Variants in RGS12 observed in about 807,000 individuals in gnomAD.
RGS12 encodes the protein regulator of G-protein signaling 12.
RGS12 carries 66 observed loss-of-function variants against 120.1 expected under a neutral mutation model. The observed-to-expected ratio is 0.55, with a 90% CI of 0.45 to 0.67. RGS12 has a LOEUF of 0.67. RGS12 is among the 30% of genes least tolerant of loss of function. The pLI is 0.00. For missense variants in RGS12, 1,859 were observed against 1,957.7 expected, an observed-to-expected ratio of 0.95 and a Z score of 0.95; for synonymous variants, 827 against 804.7, an observed-to-expected ratio of 1.03 and a Z score of -0.47.
intron 1 of RGS12, among the ~76,000 whole-genome samples, chr4:3,296,668 A>G (rs78139120): frequency 3.9e-5 from 6 of 152,200 alleles, no homozygotes; most frequent in Non-Finnish European, 8.8e-5. Flanking sequence ...TGTCTTCGAA[A>G]TGACTTCACT....
At position 3,317,124 on chromosome 4, in the gene RGS12, G is replaced by A. The variant is rs1241086663; in HGVS notation, c.954G>A (p.Gln318=). The A allele has an allele frequency of 1.2e-6, 2 of 1,613,974 alleles. No homozygotes were observed. The highest frequency in any genetic ancestry group is 1.7e-5 in the Admixed American group (1 of 60,036). The change falls in exon 2 of 18, where the codon CAG becomes CAA. Residue 318 remains glutamine (Q), a synonymous_variant. Coordinates refer to ENST00000336727, the MANE Select transcript of RGS12 (RefSeq NM_001394154.1). ...DRRFFGLVTM[Q]TNDDGSLAQE... ...GATTTTTCGGGTTGGTTACCATGCA[G>A]ACGAATGACGACGGGAGCCTGGCCC...
intron 9 of RGS12, 136 bp from the exon 10 acceptor site, chr4:3,420,504 AGT>A (rs1722889399): frequency 2.7e-6 from 2 of 746,792 alleles, no homozygotes; most frequent in Admixed American, 5.0e-5. Flanking sequence ...GAGACGGCAA[AGT>A]GATGCCTGGT....
intron 1 of RGS12, among the ~76,000 whole-genome samples, chr4:3,302,986 C>A (rs1027900742): frequency 2.0e-5 from 3 of 152,176 alleles, no homozygotes; most frequent in Non-Finnish European, 4.4e-5. Flanking sequence ...CACTGGTTGC[C>A]TGTTCGTAGT....
chr4:3,380,019 G>C (rs559373549), intron 3 of RGS12, among the ~76,000 whole-genome samples: 1 of 152,192 alleles, frequency 6.6e-6, no homozygotes. Context: ...TCTGAGACAA[G>C]GCAAGTCCCT....
At chr4:3,355,690 G>A (rs1430133785) in intron 3 of RGS12, among the ~76,000 whole-genome samples, 1 of 150,420 alleles carries the variant, frequency 6.6e-6, no homozygotes, top group Non-Finnish European at 1.5e-5. Flanking sequence ...AGCTGCTTGT[G>A]GGGCTGAGGT....
At chr4:3,334,996 T>G (rs1004603084) in intron 2 of RGS12, among the ~76,000 whole-genome samples, 6 of 152,226 alleles carry the variant, frequency 3.9e-5, no homozygotes, top group African/African-American at 1.4e-4. Context: ...GGTTGGTTTA[T>G]TTCCTTAGTC....
At chr4:3,290,307 GC>G (rs1722981652), upstream of RGS12, among the ~76,000 whole-genome samples, 1 of 152,210 alleles carries the variant, frequency 6.6e-6, no homozygotes, top group South Asian at 2.1e-4. Flanking sequence ...ACACTGTTGA[GC>G]AAACATCTCC....
At position 3,433,191 on chromosome 4, in the gene RGS12, T is replaced by C. The variant is rs1421610923; in HGVS notation, c.4114+2236T>C. On this transcript the variant is annotated intron_variant, in intron 17 of 17. Coordinates refer to ENST00000336727, the MANE Select transcript of RGS12 (RefSeq NM_001394154.1). This position sits in a 1 kb window ranked among gnomAD's most constrained non-coding sequence, Gnocchi z 4.4. ...TTAGGAGCTTGGGGGTCATCCCGGG[T>C]CACGCTCTCCGACGTTGACAGTTGC... is the stretch of plus-strand genomic sequence containing the variant. Among the ~76,000 whole-genome samples the C allele has an allele frequency of 1.3e-5, 2 of 152,156 alleles. No homozygotes were observed. Among genetic ancestry groups the C allele is most frequent in the Non-Finnish European group, 2.9e-5 (2 of 68,018 alleles).
intron 3 of RGS12, among the ~76,000 whole-genome samples, chr4:3,348,658 G>A (rs946229737): frequency 6.6e-6 from 1 of 152,184 alleles, no homozygotes; most frequent in African/African-American, 2.4e-5. Flanking sequence ...CAGAAAAGCC[G>A]AATGTACAGA....
intron 4 of RGS12, among the ~76,000 whole-genome samples, chr4:3,403,606 C>A (rs1275620245): frequency 6.6e-6 from 1 of 152,238 alleles, no homozygotes; most frequent in Non-Finnish European, 1.5e-5. Context: ...TATTCCAGAT[C>A]CCTGTTTTCT....
intron 1 of RGS12, among the ~76,000 whole-genome samples, chr4:3,295,185 C>T (rs1007704227): frequency 2.0e-5 from 3 of 152,038 alleles, no homozygotes; most frequent in South Asian, 4.2e-4. Flanking sequence ...GTGACCCAGC[C>T]GGCCTGGCTG....
At chr4:3,422,295 G>T in intron 10 of RGS12, 81 bp from the exon 11 acceptor site, 3 of 1,427,938 alleles carry the variant, frequency 2.1e-6, no homozygotes, top group Non-Finnish European at 9.4e-7. Context: ...TGCGGCCTGG[G>T]CCAGCTGGGC....
chr4:3,390,360 G>A lies in RGS12; in HGVS notation c.2020+3923G>A, dbSNP rs553056407. Among the ~76,000 whole-genome samples the A allele has an allele frequency of 4.6e-5, 7 of 152,312 alleles. No individual in the cohort carries two copies. The highest frequency in any genetic ancestry group is 3.4e-3 in the Middle Eastern group (1 of 294). On this transcript the variant is annotated intron_variant, in intron 4 of 17. Transcript: ENST00000336727. This position sits in a 1 kb window ranked among gnomAD's most constrained non-coding sequence, Gnocchi z 4.6. ...GCAGGTCAGAGTTGTCCCGGCACCCGGCACAGCGGCTGGCACGAGAGCTGT... is the reference window on the plus strand; with the variant it reads ...GCAGGTCAGAGTTGTCCCGGCACCCAGCACAGCGGCTGGCACGAGAGCTGT...
intron 2 of RGS12, among the ~76,000 whole-genome samples, chr4:3,330,578 A>C (rs1272866051): frequency 6.6e-6 from 1 of 152,232 alleles, no homozygotes; most frequent in Non-Finnish European, 1.5e-5. Flanking sequence ...GAAGGCACTT[A>C]ATATTTTTTT....
At chr4:3,295,660 CAAAA>C (rs35692556) in intron 1 of RGS12, among the ~76,000 whole-genome samples, 1 of 58,148 alleles carries the variant, frequency 1.7e-5, no homozygotes, top group African/African-American at 6.5e-5. Flanking sequence ...AACTCTGTCT[CAAAA>C]AAAAAAAAAA....
rs577506272 is a variant in RGS12 at position 3,393,203 on chromosome 4, C to T, written c.2020+6766C>T. ...TTAAAAAATACAGAGGTTTGTAAAGCTACATTTGGGGACTCCTCTAAAAGC... is the reference window on the plus strand; with the variant it reads ...TTAAAAAATACAGAGGTTTGTAAAGTTACATTTGGGGACTCCTCTAAAAGC... On this transcript the variant is annotated intron_variant, in intron 4 of 17. Coordinates refer to ENST00000336727, the MANE Select transcript of RGS12 (RefSeq NM_001394154.1). Among the ~76,000 whole-genome samples the T allele has an allele frequency of 3.9e-5, 6 of 152,266 alleles. No individual in the cohort carries two copies. In the South Asian group the frequency reaches 1.2e-3, roughly 32 times the overall value.
chr4:3,395,964 C>T (rs1243778252), intron 4 of RGS12, among the ~76,000 whole-genome samples: 2 of 152,150 alleles, frequency 1.3e-5, no homozygotes, highest in African/African-American at 4.8e-5. Context: ...CCCATACCTT[C>T]CTGGGTACTT....
In RGS12 at chr4:3,317,717, G is replaced by C; in HGVS notation, c.1547G>C (p.Arg516Thr). Residue 516 changes from arginine (R) to threonine (T), a missense_variant, in exon 2 of 18, where the codon AGG becomes ACG. Physicochemically the swap from Arg to Thr is moderately conservative, Grantham distance 71. This residue lies in a region of RGS12 where 967 missense variants were observed against 994.2 expected (regional missense o/e 0.97). Transcript: ENST00000336727. The stretch of plus-strand genomic sequence containing the variant: ...GTGGAGGTGCCCCCAGCTTCCTTGA[G>C]GAGCTCAGTCCCCCCTTCCAAGAGG... ...SPVEVPPASL[R>T]SSVPPSKRGT... 3.1e-6 allele frequency: 5 copies of C among 1,613,398 alleles called. No homozygotes were observed. The highest frequency in any genetic ancestry group is 4.2e-6 in the Non-Finnish European group (5 of 1,179,908).
chr4:3,318,145 T>A, intron 2 of RGS12, 94 bp downstream of exon 2: 1 of 1,101,668 alleles, frequency 9.1e-7, no homozygotes, highest in Non-Finnish European at 1.3e-6. Context: ...TGCACAGTCC[T>A]GGCTTCCTCC....
Sources: allele counts gnomAD v4.1 joint callset (sites outside exome capture counted in the v4.1 genomes callset), GRCh38; gene constraint gnomAD v4.1.1; regional missense constraint gnomAD v4.1.1; non-coding constraint Gnocchi (gnomAD v3.1); transcripts MANE v1.5; gene names NCBI Gene and HGNC (gene_info 2026-07-23, HGNC 2026-07-21).